Variants in COBL observed in about 807,000 individuals in gnomAD.
COBL encodes protein cordon-bleu.
COBL carries 51 observed loss-of-function variants against 98.8 expected under a neutral mutation model. The observed-to-expected ratio is 0.52, with a 90% CI of 0.41 to 0.65. COBL has a LOEUF of 0.65. Among genes scored for constraint, COBL ranks in the 30% least tolerant of loss-of-function variants. The pLI is 0.00. For synonymous variants in COBL, 634 were observed against 651.7 expected, an observed-to-expected ratio of 0.97 and a Z score of 0.41; for missense variants, 1,617 against 1,617.5, an observed-to-expected ratio of 1.00 and a Z score of 0.01.
chr7:51,031,230 C>T (rs1331889426), intron 8 of COBL: 1 of 260,942 alleles, frequency 3.8e-6, no homozygotes, highest in Admixed American at 5.4e-5. Flanking sequence ...CCACACACAG[C>T]TTTCATTCAC....
chr7:51,061,381 C>G (rs1038195218), intron 7 of COBL, among the ~76,000 whole-genome samples: 1 of 152,022 alleles, frequency 6.6e-6, no homozygotes, highest in Non-Finnish European at 1.5e-5. Flanking sequence ...TACAGGATAT[C>G]AGGAGAGAGT....
At chr7:51,135,997 A>G (rs1186888065) in intron 6 of COBL, among the ~76,000 whole-genome samples, 161 bp downstream of exon 6, 2 of 152,196 alleles carry the variant, frequency 1.3e-5, no homozygotes, top group African/African-American at 4.8e-5. Context: ...CCTTCCTGGC[A>G]TCTTGCCTTT....
chr7:51,257,916 T>G (rs1797350997), intron 1 of COBL, among the ~76,000 whole-genome samples: 1 of 152,168 alleles, frequency 6.6e-6, no homozygotes, highest in Admixed American at 6.5e-5. Context: ...TGATAATCAA[T>G]GAGGAAATGT....
chr7:51,251,696 A>G (rs1052118743), intron 1 of COBL, among the ~76,000 whole-genome samples: 4 of 152,226 alleles, frequency 2.6e-5, no homozygotes, highest in Admixed American at 6.5e-5. Flanking sequence ...TCACAGTACC[A>G]GACATACGGT....
At chr7:51,126,982 A>G (rs868292153) in intron 6 of COBL, among the ~76,000 whole-genome samples, 2 of 152,120 alleles carry the variant, frequency 1.3e-5, no homozygotes, top group African/African-American at 4.8e-5. Flanking sequence ...CTGAGGGTCC[A>G]CCACACACCA....
At chr7:51,077,139 A>G (rs1793169329) in intron 7 of COBL, among the ~76,000 whole-genome samples, 1 of 152,236 alleles carries the variant, frequency 6.6e-6, no homozygotes, top group African/African-American at 2.4e-5. Context: ...CCGTATGCAC[A>G]CAACTGTATT....
chr7:51,248,111 C>T lies in COBL; in HGVS notation c.42-28167G>A, dbSNP rs1375451335. Among the ~76,000 whole-genome samples the T allele has an allele frequency of 2.0e-5, 3 of 152,260 alleles. No homozygotes were observed. The East Asian group carries it at 5.8e-4, about 29-fold the overall frequency. On this transcript the variant is annotated intron_variant, in intron 1 of 12. Coordinates refer to ENST00000265136, the MANE Select transcript of COBL (RefSeq NM_015198.5). ...CCGAGATCACGCCACTACACTCAAG[C>T]CCAGGCGACAGAGCAAAACAGGCTT...
At chr7:51,130,705 G>C (rs1008010020) in intron 6 of COBL, among the ~76,000 whole-genome samples, 3 of 152,216 alleles carry the variant, frequency 2.0e-5, no homozygotes, top group African/African-American at 7.2e-5. Flanking sequence ...GAACACACCA[G>C]AGTGACTGAT....
intron 5 of COBL, among the ~76,000 whole-genome samples, chr7:51,157,234 G>A (rs1238012215): frequency 6.6e-6 from 1 of 152,198 alleles, no homozygotes; most frequent in African/African-American, 2.4e-5. Context: ...TTAGCCAGGC[G>A]TGGTGGTGTG....
intron 5 of COBL, among the ~76,000 whole-genome samples, chr7:51,171,535 T>C (rs9986750): frequency 0.012 from 1,883 of 152,284 alleles, 37 homozygotes; most frequent in African/African-American, 0.043. Context: ...TCAAACACAA[T>C]GGATACATGA....
At chr7:51,073,400 T>C (rs1320271767) in intron 7 of COBL, 1 of 672,894 alleles carries the variant, frequency 1.5e-6, no homozygotes, top group South Asian at 1.6e-5. Context: ...GGGGGGAAAA[T>C]AAATGGCAAA....
chr7:51,277,777 G>C (rs932751932), intron 1 of COBL, among the ~76,000 whole-genome samples: 2 of 152,192 alleles, frequency 1.3e-5, no homozygotes, highest in African/African-American at 4.8e-5. Context: ...GCAGGGCATT[G>C]TGAGAGCAGG....
intron 6 of COBL, among the ~76,000 whole-genome samples, chr7:51,095,781 C>T (rs920225422): frequency 6.6e-6 from 1 of 152,088 alleles, no homozygotes; most frequent in Non-Finnish European, 1.5e-5. Context: ...CAAAAACTGT[C>T]ATAAAACAAA....
chr7:51,168,827 G>A (rs946829352), intron 5 of COBL, among the ~76,000 whole-genome samples: 3 of 152,178 alleles, frequency 2.0e-5, no homozygotes, highest in Admixed American at 1.3e-4. Context: ...TCCCATGTTT[G>A]TTGCAGCACT....
At chr7:51,226,776 C>T (rs1236449329) in intron 1 of COBL, among the ~76,000 whole-genome samples, 1 of 152,170 alleles carries the variant, frequency 6.6e-6, no homozygotes, top group Admixed American at 6.5e-5. Flanking sequence ...CTGAGTCCAA[C>T]ACTAATCTGA....
intron 6 of COBL, among the ~76,000 whole-genome samples, chr7:51,124,629 C>G (rs1202908881): frequency 6.6e-6 from 1 of 152,166 alleles, no homozygotes; most frequent in African/African-American, 2.4e-5. Flanking sequence ...ATGTCGTAAT[C>G]TACCCAAAAG....
chr7:51,252,995 G>A (rs888221357), intron 1 of COBL, among the ~76,000 whole-genome samples: 7 of 152,068 alleles, frequency 4.6e-5, no homozygotes. Flanking sequence ...GGCCGAGGCG[G>A]GCAGATCACC....
At chr7:51,061,314 C>A (rs115082108) in intron 7 of COBL, among the ~76,000 whole-genome samples, 1 of 151,964 alleles carries the variant, frequency 6.6e-6, no homozygotes, top group Non-Finnish European at 1.5e-5. Flanking sequence ...ATGGGACATA[C>A]GCGACTTCCA....
chr7:51,142,545 G>A (rs565185223), intron 5 of COBL, among the ~76,000 whole-genome samples: 3 of 151,976 alleles, frequency 2.0e-5, no homozygotes, highest in East Asian at 3.9e-4. Context: ...CACCACGCCC[G>A]GCTAATTTTT....
Sources: allele counts gnomAD v4.1 joint callset (sites outside exome capture counted in the v4.1 genomes callset), GRCh38; gene constraint gnomAD v4.1.1; transcripts MANE v1.5; gene names NCBI Gene and HGNC (gene_info 2026-07-23, HGNC 2026-07-21).